MYOM3: variants seen among roughly 807,000 people sequenced by gnomAD.
MYOM3 encodes myomesin 3.
MYOM3 carries 155 observed loss-of-function variants against 191.7 expected under a neutral mutation model. The observed-to-expected ratio is 0.81, with a 90% confidence interval of 0.71 to 0.92. The LOEUF (loss-of-function observed/expected upper bound fraction) is 0.92. MYOM3 is among the 40% of genes least tolerant of loss of function. The probability of loss-of-function intolerance (pLI) is 0.00; values close to 1 mark genes in which losing one functional copy is unlikely to be tolerated. For synonymous variants in MYOM3, 757 were observed against 762.9 expected (o/e 0.99, Z 0.13); for missense variants, 1,889 against 1,890.6 (o/e 1.00, Z 0.02).
intron 16 of MYOM3, chr1:24,084,113 C>T (rs189630423): frequency 7.9e-6 from 2 of 252,288 alleles, no homozygotes; most frequent in African/African-American, 4.5e-5. Context: ...TTGTAATCCC[C>T]AGTGTTGGGG....
At chr1:24,100,042 T>C (rs1386456150) in intron 5 of MYOM3, among the ~76,000 whole-genome samples, 1 of 152,100 alleles carries the variant, frequency 6.6e-6, no homozygotes. Context: ...CTAATTTTTG[T>C]ATTTCTAGTA....
At chr1:24,061,807 G>A in intron 33 of MYOM3, 139 bp downstream of exon 33, 1 of 878,502 alleles carries the variant, frequency 1.1e-6, no homozygotes, top group African/African-American at 1.7e-5. Context: ...GCCCAGACTG[G>A]TCTCAAACTC....
rs202060983 is a variant in MYOM3 at position 24,095,003 on chromosome 1, T to C, written c.791-13A>G. On this transcript the variant is annotated splice_polypyrimidine_tract_variant and intron_variant, in intron 8 of 36. Transcript: ENST00000374434. The stretch of plus-strand genomic sequence containing the variant: ...CCAAACGTCGATCCTGGCGTGGGAA[T>C]GAAATTTGGGGCAGAAGTTTTTGAG... 218 of 1,609,478 alleles carry C rather than the reference T, an allele frequency of 1.4e-4. No homozygotes were observed. In the African/African-American group the frequency reaches 2.5e-3, roughly 19 times the overall value.
intron 28 of MYOM3, chr1:24,066,363 A>C (rs1343090441): frequency 1.6e-6 from 1 of 637,964 alleles, no homozygotes; most frequent in Non-Finnish European, 2.8e-6. Context: ...ATGGGCTCCC[A>C]AGGCCCACAG....
chr1:24,081,852 TG>T, intron 18 of MYOM3, 148 bp downstream of exon 18: 3 of 762,526 alleles, frequency 3.9e-6, no homozygotes, highest in Non-Finnish European at 6.3e-6. Context: ...CTGTTCAAGG[TG>T]GGTCTGCACT....
chr1:24,061,069 T>C lies in MYOM3; in HGVS notation c.3985A>G (p.Ile1329Val). The C allele has an allele frequency of 6.2e-7, 1 of 1,614,086 alleles. No individual in the cohort carries two copies. Among genetic ancestry groups the C allele is most frequent in the Non-Finnish European group, 8.5e-7 (1 of 1,180,022 alleles). The change falls in exon 35 of 37, where the codon ATC becomes GTC. Residue 1329 changes from isoleucine (I) to valine (V), a missense_variant. Ile to Val is a conservative substitution (Grantham distance 29). Coordinates refer to ENST00000374434, the MANE Select transcript of MYOM3 (RefSeq NM_152372.4). ...EHQRLKTLAIIEKNRAKVVRG... is the reference protein window; with the variant it reads ...EHQRLKTLAIVEKNRAKVVRG... ...ATATCGGCCGACTTACTCTTCTCGA[T>C]GATGGCCAAGGTTCTGAAAAACAGA...
Position 24,063,298 on chromosome 1 carries a change from C to T in MYOM3, c.3662-64G>A, listed in dbSNP as rs767817949. 51 of 1,475,358 alleles carry T rather than the reference C, an allele frequency of 3.5e-5. No homozygotes were observed. The highest frequency in any genetic ancestry group is 9.1e-5 in the South Asian group (8 of 88,068). 91.4% of individuals were successfully genotyped at this position (1,475,358 alleles called of 1,614,324 possible). On this transcript the variant is annotated intron_variant, in intron 31 of 36. Transcript: ENST00000374434. The surrounding 1 kb of genome is among the most constrained non-coding windows in gnomAD (Gnocchi z 4.5). ...CCATTTAGGCATCAGATTTTGGGGC[C>T]GGCTTGTCTGCCTCTGCCCTGGGGG...
Position 24,098,024 on chromosome 1 carries a change from G to A in MYOM3, c.657-13C>T. The A allele has an allele frequency of 6.3e-7, 1 of 1,582,242 alleles. No homozygotes were observed. Among genetic ancestry groups the A allele is most frequent in the Non-Finnish European group, 8.7e-7 (1 of 1,150,866 alleles). ...CTCAATGGCGCATCTGAAAAGGAGA[G>A]AGGGAGAAGTTCCTCCCAAGACTGC... is the stretch of plus-strand genomic sequence containing the variant. On this transcript the variant is annotated splice_polypyrimidine_tract_variant and intron_variant, in intron 6 of 36. Coordinates refer to ENST00000374434, the MANE Select transcript of MYOM3 (RefSeq NM_152372.4).
Position 24,063,638 on chromosome 1 carries a change from A to G in MYOM3, c.3623-108T>C. 7.9e-7 allele frequency: 1 copy of G among 1,273,018 alleles called. No homozygotes were observed. Among genetic ancestry groups the G allele is most frequent in the Non-Finnish European group, 1.1e-6 (1 of 886,206 alleles). 78.9% of individuals were successfully genotyped at this position (1,273,018 alleles called of 1,614,324 possible). A position where few individuals can be genotyped will look rare whatever the true frequency, so the allele number is the denominator to read the frequency against. ...CTGGTGGAGCCCGTGAGCTGCTCTC[A>G]GGGGGACAGGCAACTCTGTAGGATG... On this transcript the variant is annotated intron_variant, in intron 30 of 36. Transcript: ENST00000374434. This position sits in a 1 kb window ranked among gnomAD's most constrained non-coding sequence, Gnocchi z 4.5.
intron 5 of MYOM3, among the ~76,000 whole-genome samples, chr1:24,103,333 C>A (rs1369432040): frequency 6.6e-6 from 1 of 152,212 alleles, no homozygotes; most frequent in East Asian, 1.9e-4. Flanking sequence ...AGGTACTTGG[C>A]ATAGTTTTTG....
chr1:24,082,783 CA>C lies in MYOM3; in HGVS notation c.1971-70del, dbSNP rs1179799118. On this transcript the variant is annotated intron_variant, in intron 16 of 36. Transcript: ENST00000374434. ...GGAGACATTCCCAAACTTGCTAGAA[CA>C]ACTTTGTGGAATAAGTGGTCACCAG... 7.4e-6 allele frequency: 11 copies of C among 1,492,086 alleles called. No individual in the cohort carries two copies. The East Asian group carries it at 2.8e-4, about 37-fold the overall frequency. 92.4% of individuals were successfully genotyped at this position (1,492,086 alleles called of 1,614,324 possible).
chr1:24,104,696 C>T (rs1319664785), intron 5 of MYOM3, among the ~76,000 whole-genome samples: 1 of 152,128 alleles, frequency 6.6e-6, no homozygotes, highest in African/African-American at 2.4e-5. Flanking sequence ...ACTACAGGTG[C>T]AGGCCACATG....
chr1:24,095,263 C>T (rs757677297), intron 8 of MYOM3, among the ~76,000 whole-genome samples, 179 bp downstream of exon 8: 1 of 152,216 alleles, frequency 6.6e-6, no homozygotes, highest in Admixed American at 6.5e-5. Flanking sequence ...CTGGGGACAG[C>T]TCTGGGGTAC....
chr1:24,081,736 T>C (rs1340054218), intron 18 of MYOM3: 3 of 584,784 alleles, frequency 5.1e-6, no homozygotes, highest in South Asian at 4.6e-5. Context: ...CTAATTTTTG[T>C]ATTTTTTGTC....
chr1:24,086,849 C>T (rs770754602), intron 14 of MYOM3, 22 bp from the exon 15 acceptor site: 2 of 1,610,742 alleles, frequency 1.2e-6, no homozygotes, highest in Admixed American at 1.7e-5. Flanking sequence ...GAGGGACTCA[C>T]ATTGGCTAAC....
intron 9 of MYOM3, among the ~76,000 whole-genome samples, chr1:24,093,431 G>A (rs181336435): frequency 2.6e-5 from 4 of 152,196 alleles, no homozygotes; most frequent in South Asian, 4.2e-4. Context: ...AGAGAGATGG[G>A]TCCCTGTATG....
rs528091928 is a variant in MYOM3 at position 24,089,977 on chromosome 1, T to C, written c.1486+88A>G. On this transcript the variant is annotated intron_variant, in intron 13 of 36. Transcript: ENST00000374434. The stretch of plus-strand genomic sequence containing the variant: ...TGCCCTCATCCCCCACACCCTGCAC[T>C]GGGACAGCTTCTGCCTCTTTGCCAG... 8.2e-4 allele frequency: 1,131 copies of C among 1,371,574 alleles called. 3 individuals are homozygous for C. The highest frequency in any genetic ancestry group is 9.6e-4 in the Admixed American group (55 of 57,046). 85.0% of individuals were successfully genotyped at this position (1,371,574 alleles called of 1,614,324 possible).
At chr1:24,075,250 GC>G in intron 22 of MYOM3, 68 bp downstream of exon 22, 3 of 1,525,622 alleles carry the variant, frequency 2.0e-6, no homozygotes, top group Non-Finnish European at 2.7e-6. Context: ...TCAGCCAGGA[GC>G]CCCTGCCAGC....
intron 1 of MYOM3, among the ~76,000 whole-genome samples, chr1:24,109,631 T>C (rs1314211666): frequency 6.6e-6 from 1 of 152,230 alleles, no homozygotes; most frequent in African/African-American, 2.4e-5. Flanking sequence ...CTATGTTCCA[T>C]GCCCATGTTA....
Sources: gnomAD v4.1 joint callset for allele counts (sites outside exome capture counted in the v4.1 genomes callset) on GRCh38, gnomAD v4.1.1 for gene constraint, Gnocchi (gnomAD v3.1) non-coding constraint, MANE v1.5 for transcripts, NCBI Gene and HGNC (gene_info 2026-07-23, HGNC 2026-07-21) for gene names.